ROBO2: variants seen among roughly 807,000 people sequenced by gnomAD.
ROBO2 encodes the protein roundabout homolog 2.
Under a neutral mutation model 160.8 loss-of-function variants are expected in ROBO2, and 53 were observed. The observed-to-expected ratio is 0.33, with a 90% CI of 0.26 to 0.41. ROBO2 has a LOEUF of 0.41. ROBO2 is among the 10% of genes least tolerant of loss of function. The pLI, the probability that ROBO2 is intolerant of heterozygous loss-of-function variation, is 1.00. For missense variants in ROBO2, 1,577 were observed against 1,722.4 expected, an observed-to-expected ratio of 0.92 and a Z score of 1.49; for synonymous variants, 664 against 611.7, an observed-to-expected ratio of 1.09 and a Z score of -1.26.
At chr3:77,393,891 A>G (rs2153503502) in intron 2 of ROBO2, among the ~76,000 whole-genome samples, 1 of 152,252 alleles carries the variant, frequency 6.6e-6, no homozygotes, top group East Asian at 1.9e-4. Flanking sequence ...TTATTAAAAT[A>G]TAAACTAGAC....
At chr3:77,604,125 G>T (rs548393911) in intron 20 of ROBO2, 24 of 152,054 alleles carry the variant, frequency 1.6e-4, no homozygotes, top group African/African-American at 5.5e-4. Context: ...CCTTCAAAAT[G>T]GGTCATTTGC....
intron 2 of ROBO2, among the ~76,000 whole-genome samples, chr3:76,293,977 G>A (rs1425648123): frequency 2.0e-5 from 3 of 152,082 alleles, no homozygotes; most frequent in Admixed American, 1.3e-4. Context: ...CACCACCCTC[G>A]GTCCCCACTC....
chr3:77,163,613 T>G (rs145532152), intron 2 of ROBO2, among the ~76,000 whole-genome samples: 2,648 of 152,328 alleles, frequency 0.017, 69 homozygotes, highest in African/African-American at 0.059. Context: ...GCTACAGTAT[T>G]TATAATAATT....
intron 6 of ROBO2, among the ~76,000 whole-genome samples, chr3:77,528,680 G>A (rs531215443): frequency 3.2e-4 from 48 of 151,708 alleles, no homozygotes; most frequent in African/African-American, 1.2e-3. Context: ...GATTTTATAT[G>A]TGAAAGGCAT....
chr3:76,508,076 C>T (rs894644499), intron 2 of ROBO2, among the ~76,000 whole-genome samples: 1 of 152,042 alleles, frequency 6.6e-6, no homozygotes, highest in Admixed American at 6.6e-5. Context: ...TAATAGAGAT[C>T]CATGATACCT....
chr3:75,950,255 A>G (rs4054067), intron 2 of ROBO2, among the ~76,000 whole-genome samples: 1 of 152,136 alleles, frequency 6.6e-6, no homozygotes, highest in South Asian at 2.1e-4. Flanking sequence ...GATTTCTTTT[A>G]TAGCTGCTGA....
intron 2 of ROBO2, among the ~76,000 whole-genome samples, chr3:76,784,713 G>C (rs267134): frequency 0.83 from 124,913 of 150,904 alleles, 51,816 homozygotes; most frequent in Admixed American, 0.85. Context: ...GCTTCTTGAT[G>C]TAGTCCTCAA....
chr3:76,481,839 G>A (rs984094012), intron 2 of ROBO2, among the ~76,000 whole-genome samples: 12 of 152,006 alleles, frequency 7.9e-5, no homozygotes, highest in Non-Finnish European at 2.9e-5. Flanking sequence ...GTGATTAGGT[G>A]GCCTTGTTCA....
At chr3:77,217,994 C>T (rs927679574) in intron 2 of ROBO2, among the ~76,000 whole-genome samples, 34 of 152,264 alleles carry the variant, frequency 2.2e-4, no homozygotes, top group African/African-American at 8.2e-4. Context: ...ATTGTCAGCT[C>T]CTGATTATCC....
At chr3:77,585,908 T>C (rs775742) in intron 16 of ROBO2, among the ~76,000 whole-genome samples, 116,154 of 152,056 alleles carry the variant, frequency 0.76, 44,676 homozygotes, top group African/African-American at 0.83. Flanking sequence ...TCAAACTGTA[T>C]CACATTTCCC....
In ROBO2 at chr3:76,926,005, T is replaced by C. The variant is rs150745051; in HGVS notation, c.110-172009T>C. 1.4e-3 allele frequency among the ~76,000 whole-genome samples: 215 copies of C among 152,266 alleles called. 1 individual carries two copies. Among genetic ancestry groups the C allele is most frequent in the African/African-American group, 4.9e-3 (203 of 41,568 alleles). ...TCTTTACAACTGCCATGCTACCAAT[T>C]GGTTTTGAGGCAGAATCTATCTTTT... is the stretch of plus-strand genomic sequence containing the variant. On this transcript the variant is annotated intron_variant, in intron 2 of 26. Transcript: ENST00000487694.
At chr3:77,549,854 G>A (rs1258847205) in intron 7 of ROBO2, among the ~76,000 whole-genome samples, 3 of 151,904 alleles carry the variant, frequency 2.0e-5, no homozygotes, top group Non-Finnish European at 4.4e-5. Flanking sequence ...TACAAACCTG[G>A]AAAATTAATT....
At chr3:77,209,170 G>A (rs1008791133) in intron 2 of ROBO2, among the ~76,000 whole-genome samples, 16 of 151,968 alleles carry the variant, frequency 1.1e-4, no homozygotes, top group Admixed American at 9.8e-4. Context: ...ATTTCACACA[G>A]CCAATATAAA....
chr3:76,235,541 A>C (rs1302573127), intron 2 of ROBO2, among the ~76,000 whole-genome samples: 1 of 152,166 alleles, frequency 6.6e-6, no homozygotes, highest in African/African-American at 2.4e-5. Context: ...ACTAATACAG[A>C]TCTTGGTAGT....
intron 2 of ROBO2, among the ~76,000 whole-genome samples, chr3:76,652,193 C>A (rs1419246598): frequency 6.6e-6 from 1 of 152,130 alleles, no homozygotes; most frequent in Non-Finnish European, 1.5e-5. Context: ...TTCTTCTGAC[C>A]AATTTTAATC....
At chr3:77,608,233 T>C (rs185077310) in intron 21 of ROBO2, among the ~76,000 whole-genome samples, 38 of 152,318 alleles carry the variant, frequency 2.5e-4, no homozygotes, top group Non-Finnish European at 4.6e-4. Flanking sequence ...GCTTGTTAGT[T>C]TGAAAGCAAG....
intron 2 of ROBO2, among the ~76,000 whole-genome samples, chr3:77,166,857 C>G (rs1021481202): frequency 2.0e-5 from 3 of 152,192 alleles, no homozygotes; most frequent in Non-Finnish European, 2.9e-5. Flanking sequence ...CCGCGCCCGG[C>G]CGACACAGAG....
chr3:76,057,556 T>C (rs899770219), intron 2 of ROBO2, among the ~76,000 whole-genome samples: 5 of 152,172 alleles, frequency 3.3e-5, no homozygotes, highest in Admixed American at 6.5e-5. Context: ...ATCCCCAACA[T>C]AGTAAGCTTC....
At chr3:77,164,597 G>A (rs1400964912) in intron 2 of ROBO2, among the ~76,000 whole-genome samples, 5 of 126,342 alleles carry the variant, frequency 4.0e-5, no homozygotes, top group African/African-American at 1.2e-4. Context: ...GCCTCTGCCC[G>A]GCTGCCCCTA....
Sources: allele counts gnomAD v4.1 joint callset (sites outside exome capture counted in the v4.1 genomes callset), GRCh38; gene constraint gnomAD v4.1.1; transcripts MANE v1.5; gene names NCBI Gene and HGNC (gene_info 2026-07-23, HGNC 2026-07-21).